The following PCDHGA3 variants were observed in gnomAD, a reference collection of about 807,000 sequenced individuals.
The protein encoded by PCDHGA3 is protocadherin gamma subfamily A, 3.
PCDHGA3 carries 40 observed loss-of-function variants against 58.5 expected under a neutral mutation model. That is an observed-to-expected ratio of 0.68 (90% CI 0.53 to 0.89). The LOEUF is 0.89. Among genes scored for constraint, PCDHGA3 ranks in the 40% least tolerant of loss-of-function variants. PCDHGA3 has a pLI of 0.00. For missense variants in PCDHGA3, 1,223 were observed against 1,195.9 expected (o/e 1.02, Z -0.33); for synonymous variants, 530 against 525.7 (o/e 1.01, Z -0.11).
chr5:141,355,683 T>G (rs1759935832), intron 1 of PCDHGA3: 1 of 1,613,894 alleles, frequency 6.2e-7, no homozygotes, highest in East Asian at 2.2e-5. Context: ...TTGATCCGGA[T>G]GTAGGTGTAA....
chr5:141,372,992 T>C (rs1414132477), intron 1 of PCDHGA3, among the ~76,000 whole-genome samples: 1 of 152,240 alleles, frequency 6.6e-6, no homozygotes, highest in Non-Finnish European at 1.5e-5. Flanking sequence ...GTTGCAGTTG[T>C]TCTTTCATAG....
intron 1 of PCDHGA3, chr5:141,422,005 A>G (rs2154549470): frequency 6.2e-7 from 1 of 1,609,814 alleles, no homozygotes; most frequent in Middle Eastern, 1.7e-4. Context: ...CAGCTCCGGA[A>G]CTCGGGTGCT....
At chr5:141,454,796 ATTTTTTTTTTTT>A (rs61612330) in intron 1 of PCDHGA3, among the ~76,000 whole-genome samples, 76 of 77,462 alleles carry the variant, frequency 9.8e-4, no homozygotes, top group African/African-American at 3.9e-3. Flanking sequence ...CATGGTTCTA[ATTTTTTTTTTTT>A]TTTTTTTTTT....
intron 1 of PCDHGA3, among the ~76,000 whole-genome samples, chr5:141,454,796 ATTTTTTTTT>A (rs61612330): frequency 1.2e-4 from 9 of 77,408 alleles, no homozygotes; most frequent in Admixed American, 5.4e-4. Context: ...CATGGTTCTA[ATTTTTTTTT>A]TTTTTTTTTT....
Position 141,374,348 on chromosome 5 carries a change from AG to A in PCDHGA3, c.2424+27893del, listed in dbSNP as rs750321680. The A allele has an allele frequency of 1.9e-6, 3 of 1,613,910 alleles. No individual in the cohort carries two copies. The African/African-American group carries it at 4.0e-5, about 22-fold the overall frequency. On this transcript the variant is annotated intron_variant, in intron 1 of 3. Coordinates refer to ENST00000253812, the MANE Select transcript of PCDHGA3 (RefSeq NM_018916.4). ...AAACGGCAGCTTGGTCACCGCGGGT[AG>A]GATAGACCGCGAGGAGCTCTGTGCT...
chr5:141,472,505 A>G (rs1041224118), intron 1 of PCDHGA3, among the ~76,000 whole-genome samples: 4 of 152,004 alleles, frequency 2.6e-5, no homozygotes, highest in African/African-American at 7.3e-5. Context: ...GTGCCACTGC[A>G]CTCCAGCCTG....
At chr5:141,360,442 G>A in intron 1 of PCDHGA3, 2 of 1,613,972 alleles carry the variant, frequency 1.2e-6, no homozygotes, top group African/African-American at 2.7e-5. Context: ...GCCTCTGTGT[G>A]TTCTGGATTT....
chr5:141,495,721 G>A (rs2099763243), intron 2 of PCDHGA3, among the ~76,000 whole-genome samples: 1 of 152,100 alleles, frequency 6.6e-6, no homozygotes, highest in Non-Finnish European at 1.5e-5. Context: ...TAACTACACG[G>A]GACCCTTAGT....
chr5:141,511,793 G>A lies in PCDHGA3; in HGVS notation c.*620G>A, dbSNP rs2099883948. The stretch of plus-strand genomic sequence containing the variant: ...TACTGATGCTTGCTGGATTTAGGGA[G>A]GGCATTTTGCTACCAAGCCTCTTCC... On this transcript the variant is annotated 3_prime_UTR_variant, in exon 4 of 4. Coordinates refer to ENST00000253812, the MANE Select transcript of PCDHGA3 (RefSeq NM_018916.4). 6.4e-6 allele frequency: 1 copy of A among 157,066 alleles called. No homozygotes were observed. The highest frequency in any genetic ancestry group is 2.4e-5 in the African/African-American group (1 of 41,492). 9.7% of individuals were successfully genotyped at this position (157,066 alleles called of 1,614,324 possible). A position where few individuals can be genotyped will look rare whatever the true frequency, so the allele number is the denominator to read the frequency against.
chr5:141,391,293 A>G (rs1043661475), intron 1 of PCDHGA3: 15 of 151,834 alleles, frequency 9.9e-5, no homozygotes, highest in Admixed American at 3.3e-4. Context: ...AAAGAAGGAA[A>G]CGTCTTTCGA....
At chr5:141,399,393 CAG>C (rs1335804490) in intron 1 of PCDHGA3, 1 of 1,613,976 alleles carries the variant, frequency 6.2e-7, no homozygotes, top group Non-Finnish European at 8.5e-7. Flanking sequence ...CAGCCACAGA[CAG>C]GGGCAAGCCG....
At chr5:141,393,952 G>C in intron 1 of PCDHGA3, 4 of 1,613,916 alleles carry the variant, frequency 2.5e-6, no homozygotes, top group Non-Finnish European at 3.4e-6. Context: ...GGAAAGAATG[G>C]TCAAGTTGTC....
intron 1 of PCDHGA3, chr5:141,388,752 T>C: frequency 6.2e-7 from 1 of 1,614,002 alleles, no homozygotes; most frequent in East Asian, 2.2e-5. Context: ...GATCACCCAA[T>C]TTGACCTGAA....
chr5:141,485,242 C>A lies in PCDHGA3; in HGVS notation c.2425-9565C>A, dbSNP rs747029550. ...CTACCCTTTTGTTCCTCTTTTACCA[C>A]CTGGGTTACGTTTGTGGGCAGATCC... On this transcript the variant is annotated intron_variant, in intron 1 of 3. Transcript: ENST00000253812. This position sits in a 1 kb window ranked among gnomAD's most constrained non-coding sequence, Gnocchi z 5.7. 7.4e-5 allele frequency: 119 copies of A among 1,614,054 alleles called. No individual in the cohort carries two copies. The highest frequency in any genetic ancestry group is 3.3e-4 in the Middle Eastern group (2 of 6,084).
rs375476706 is a variant in PCDHGA3, at chr5:141,351,961, C to T, written c.2424+5504C>T. ...TGTACCCCGCGCTGGGGCCTGATGG[C>T]TCCGCCCTCTTCGATATGGTGCCAC... is the stretch of plus-strand genomic sequence containing the variant. On this transcript the variant is annotated intron_variant, in intron 1 of 3. Transcript: ENST00000253812. The T allele has an allele frequency of 5.8e-4, 931 of 1,612,866 alleles. 2 individuals are homozygous for T. Among genetic ancestry groups the T allele is most frequent in the Middle Eastern group, 2.9e-3 (17 of 5,916 alleles).
intron 1 of PCDHGA3, among the ~76,000 whole-genome samples, chr5:141,397,737 C>T (rs2093564219): frequency 6.6e-6 from 1 of 152,164 alleles, no homozygotes. Flanking sequence ...GAGAAAGATA[C>T]CTTAAAGAAG....
rs747481541 is a variant in PCDHGA3 at position 141,356,652 on chromosome 5, T to A, written c.2424+10195T>A. On this transcript the variant is annotated intron_variant, in intron 1 of 3. Transcript: ENST00000253812. ...CTCAAGACCCTGACAGTGGTGACAATGCCCGAATCACTTACTCCCTGGCCG... is the reference window on the plus strand; with the variant it reads ...CTCAAGACCCTGACAGTGGTGACAAAGCCCGAATCACTTACTCCCTGGCCG... 3.1e-6 allele frequency: 5 copies of A among 1,613,960 alleles called. No homozygotes were observed. The African/African-American group carries it at 5.3e-5, about 17-fold the overall frequency.
At chr5:141,403,491 T>A in intron 1 of PCDHGA3, 1 of 1,614,010 alleles carries the variant, frequency 6.2e-7, no homozygotes, top group South Asian at 1.1e-5. Context: ...CACTTCTCCC[T>A]GAACGTGCAG....
chr5:141,356,665 T>C (rs748524462), intron 1 of PCDHGA3: 3 of 1,613,898 alleles, frequency 1.9e-6, no homozygotes, highest in Admixed American at 3.3e-5. Flanking sequence ...CCGAATCACT[T>C]ACTCCCTGGC....
Sources: allele counts gnomAD v4.1 joint callset (sites outside exome capture counted in the v4.1 genomes callset), GRCh38; gene constraint gnomAD v4.1.1; non-coding constraint Gnocchi (gnomAD v3.1); transcripts MANE v1.5; gene names NCBI Gene and HGNC (gene_info 2026-07-23, HGNC 2026-07-21).